The following TCP11L2 variants were observed in gnomAD, a reference collection of about 807,000 sequenced individuals.
TCP11L2 encodes the protein t-complex 11 like 2.
In TCP11L2, 39 loss-of-function variants were observed where a neutral mutation model predicts 50.7. The ratio of observed to expected loss-of-function variants is 0.77; its 90% CI spans 0.60 to 1.01. The LOEUF (loss-of-function observed/expected upper bound fraction) is 1.01. TCP11L2 is among the 50% of genes least tolerant of loss of function. The pLI is 0.00. For missense variants in TCP11L2, 612 were observed against 614.7 expected (o/e 1.00, Z 0.05); for synonymous variants, 192 against 219.3 (o/e 0.88, Z 1.10).
chr12:106,335,603 A>T, intron 6 of TCP11L2, 36 bp from the exon 7 acceptor site: 1 of 1,601,764 alleles, frequency 6.2e-7, no homozygotes, highest in Non-Finnish European at 8.5e-7. Flanking sequence ...GGGATCAATC[A>T]GCTGTAGAAC....
At chr12:106,302,123 T>A (rs2136568002), upstream of TCP11L2, 1 of 152,366 alleles carries the variant, frequency 6.6e-6, no homozygotes, top group Non-Finnish European at 1.5e-5. Context: ...GTGTGGACAG[T>A]GTGTTGGTGG....
intron 5 of TCP11L2, among the ~76,000 whole-genome samples, chr12:106,322,536 C>T (rs1354356801): frequency 1.3e-5 from 2 of 152,162 alleles, no homozygotes; most frequent in African/African-American, 4.8e-5. Context: ...AAGTGGGGTG[C>T]ATATTATGTC....
Position 106,314,497 on chromosome 12 carries a change from A to AC in TCP11L2, c.293+6dup, listed in dbSNP as rs1378829165. ...AAGAGGCTCTCCCAGAAAAGAGGTA[A>AC]CCTGGGGGCATTTGTTGTATATAAA... On this transcript the variant is annotated splice_donor_region_variant and intron_variant, in intron 3 of 9. Transcript: ENST00000299045. 1 of 1,586,530 alleles carries AC rather than the reference A, an allele frequency of 6.3e-7. No individual in the cohort carries two copies. The highest frequency in any genetic ancestry group is 8.6e-7 in the Non-Finnish European group (1 of 1,163,642).
chr12:106,332,466 G>A (rs2035779864), intron 6 of TCP11L2, among the ~76,000 whole-genome samples: 1 of 152,190 alleles, frequency 6.6e-6, no homozygotes, highest in South Asian at 2.1e-4. Context: ...ATACCACTCA[G>A]TAATAAAAAG....
chr12:106,315,091 C>T (rs1050550602), intron 3 of TCP11L2, among the ~76,000 whole-genome samples: 4 of 151,944 alleles, frequency 2.6e-5, no homozygotes, highest in Middle Eastern at 3.4e-3. Flanking sequence ...AAAAATTAGC[C>T]GGCCATGGTG....
intron 6 of TCP11L2, chr12:106,329,638 T>G: frequency 7.7e-7 from 1 of 1,291,876 alleles, no homozygotes; most frequent in African/African-American, 1.5e-5. Flanking sequence ...GATTCTAAAG[T>G]CAGCCAGGAT....
At chr12:106,309,604 C>T (rs1040331032) in intron 1 of TCP11L2, among the ~76,000 whole-genome samples, 3 of 151,806 alleles carry the variant, frequency 2.0e-5, no homozygotes, top group Non-Finnish European at 4.4e-5. Flanking sequence ...CTCTTTTTCT[C>T]TCAACAAAGG....
intron 1 of TCP11L2, among the ~76,000 whole-genome samples, chr12:106,305,805 G>A (rs2034605659): frequency 1.3e-5 from 2 of 152,164 alleles, no homozygotes; most frequent in African/African-American, 4.8e-5. Context: ...AACATTTCAG[G>A]GGCAGAGAAC....
intron 8 of TCP11L2, among the ~76,000 whole-genome samples, chr12:106,336,547 ATTTTTT>A (rs11449901): frequency 9.8e-6 from 1 of 102,164 alleles, no homozygotes; most frequent in Admixed American, 1.2e-4. Context: ...GAATTGCGCA[ATTTTTT>A]TTTTTTTTTT....
chr12:106,301,879 G>C (rs1206292357), upstream of TCP11L2: 1 of 152,244 alleles, frequency 6.6e-6, no homozygotes, highest in East Asian at 1.9e-4. Context: ...TTCTCCCGGA[G>C]ATAGGTGCTG....
chr12:106,325,909 A>G (rs1273024534), intron 6 of TCP11L2: 6 of 151,494 alleles, frequency 4.0e-5, no homozygotes, highest in Non-Finnish European at 7.4e-5. Flanking sequence ...AAAAAAAAAA[A>G]AAAACCCACA....
Position 106,321,621 on chromosome 12 carries a change from A to G in TCP11L2, c.550A>G (p.Ser184Gly). The change falls in exon 5 of 10, where the codon AGT (serine) becomes GGT (glycine). Residue 184 changes from serine to glycine, a missense_variant. Coordinates refer to ENST00000299045, the MANE Select transcript of TCP11L2 (RefSeq NM_152772.3). ...CCAAGGCCTGGCCAACTATGTCATC[A>G]GTACGATGGGAAAGCTGTGTGCTCC... Reference protein sequence around the residue: ...DIQGLANYVISTMGKLCAPVR... With the variant: ...DIQGLANYVIGTMGKLCAPVR... 1 of 1,614,236 alleles carries G rather than the reference A, an allele frequency of 6.2e-7. No individual in the cohort carries two copies. Among genetic ancestry groups the G allele is most frequent in the African/African-American group, 1.3e-5 (1 of 75,068 alleles).
intron 8 of TCP11L2, 42 bp from the exon 9 acceptor site, chr12:106,340,784 A>G: frequency 2.6e-6 from 4 of 1,528,896 alleles, no homozygotes; most frequent in Non-Finnish European, 3.5e-6. Context: ...AACTTGATGA[A>G]CAAAAACTTT....
chr12:106,300,133 T>G (rs2034386027), upstream of TCP11L2, among the ~76,000 whole-genome samples: 1 of 151,882 alleles, frequency 6.6e-6, no homozygotes. Context: ...AAATGCTAAT[T>G]ATTTTACTTC....
intron 5 of TCP11L2, among the ~76,000 whole-genome samples, chr12:106,322,048 T>C (rs1444135553): frequency 6.6e-6 from 1 of 152,226 alleles, no homozygotes; most frequent in Non-Finnish European, 1.5e-5. Flanking sequence ...AGGGTCTTAA[T>C]AGAGCCTCCG....
At chr12:106,302,484 T>A (rs1340562569), upstream of TCP11L2, among the ~76,000 whole-genome samples, 2 of 147,066 alleles carry the variant, frequency 1.4e-5, no homozygotes, top group South Asian at 2.2e-4. Flanking sequence ...TCCCGTCGGC[T>A]CGGCGGCCTC....
In TCP11L2 at chr12:106,346,583, T is replaced by G; in HGVS notation, c.*53T>G. The stretch of plus-strand genomic sequence containing the variant: ...GGAAATCCAGTACTTTGGTATCCAG[T>G]CCACTTCCATTGATGGCATTAGAGA... On this transcript the variant is annotated 3_prime_UTR_variant, in exon 10 of 10. Transcript: ENST00000299045. The G allele has an allele frequency of 6.4e-7, 1 of 1,563,940 alleles. No homozygotes were observed. The highest frequency in any genetic ancestry group is 8.6e-7 in the Non-Finnish European group (1 of 1,159,298).
At chr12:106,322,537 A>G (rs534902294) in intron 5 of TCP11L2, among the ~76,000 whole-genome samples, 4 of 152,328 alleles carry the variant, frequency 2.6e-5, no homozygotes, top group Admixed American at 1.3e-4. Flanking sequence ...AGTGGGGTGC[A>G]TATTATGTCA....
chr12:106,308,962 A>G (rs2034740587), intron 1 of TCP11L2, among the ~76,000 whole-genome samples: 1 of 152,212 alleles, frequency 6.6e-6, no homozygotes, highest in African/African-American at 2.4e-5. Flanking sequence ...GAAGAAAGGA[A>G]CAAGGAACTA....
Sources: gnomAD v4.1 joint callset for allele counts (sites outside exome capture counted in the v4.1 genomes callset) on GRCh38, gnomAD v4.1.1 for gene constraint, MANE v1.5 for transcripts, NCBI Gene and HGNC (gene_info 2026-07-23, HGNC 2026-07-21) for gene names.